The following CCSER1 variants were observed in gnomAD, a reference collection of about 807,000 sequenced individuals.
CCSER1 encodes the protein serine-rich coiled-coil domain-containing protein 1.
In CCSER1, 41 loss-of-function variants were observed where a neutral mutation model predicts 82.0. The observed-to-expected ratio is 0.50, with a 90% confidence interval of 0.39 to 0.65. CCSER1 has a LOEUF of 0.65. CCSER1 is among the 30% of genes least tolerant of loss of function. The pLI is 0.00. For synonymous variants in CCSER1, 414 were observed against 383.9 expected (o/e 1.08, Z -0.92); for missense variants, 1,119 against 1,064.2 (o/e 1.05, Z -0.72).
intron 7 of CCSER1, among the ~76,000 whole-genome samples, chr4:90,753,783 C>A (rs1412703100): frequency 6.6e-6 from 1 of 152,076 alleles, no homozygotes; most frequent in Admixed American, 6.6e-5. Flanking sequence ...CTTTCTAAGG[C>A]CTTACATGTT....
intron 10 of CCSER1, among the ~76,000 whole-genome samples, chr4:91,162,970 C>T (rs1263662731): frequency 1.3e-5 from 2 of 152,102 alleles, no homozygotes; most frequent in Non-Finnish European, 2.9e-5. Flanking sequence ...TTGCCTTCTG[C>T]TCGCTTTTGA....
At chr4:91,025,740 A>G (rs1471226852) in intron 9 of CCSER1, among the ~76,000 whole-genome samples, 1 of 152,168 alleles carries the variant, frequency 6.6e-6, no homozygotes, top group African/African-American at 2.4e-5. Flanking sequence ...ACACTGTTGC[A>G]GTGGAACCCA....
At chr4:90,718,912 A>G (rs1742164510) in intron 6 of CCSER1, among the ~76,000 whole-genome samples, 2 of 152,164 alleles carry the variant, frequency 1.3e-5, no homozygotes, top group South Asian at 4.1e-4. Flanking sequence ...CTCACAACTT[A>G]AAAAACCATC....
intron 10 of CCSER1, among the ~76,000 whole-genome samples, chr4:91,270,440 A>AT (rs201732606): frequency 6.3e-4 from 95 of 151,066 alleles, no homozygotes; most frequent in Middle Eastern, 3.4e-3. Context: ...CGTTCATCAC[A>AT]TTTTTTTTTG....
intron 5 of CCSER1, among the ~76,000 whole-genome samples, chr4:90,574,808 G>A (rs929097103): frequency 5.3e-5 from 8 of 151,576 alleles, no homozygotes; most frequent in African/African-American, 1.9e-4. Flanking sequence ...TCCAGCAAAC[G>A]ACAGCTACAT....
chr4:90,938,068 A>G (rs1731171636), intron 9 of CCSER1, among the ~76,000 whole-genome samples: 2 of 152,138 alleles, frequency 1.3e-5, no homozygotes. Flanking sequence ...TTTCATATAT[A>G]TTACCAGCAC....
At chr4:91,083,735 A>T (rs35197502) in intron 9 of CCSER1, among the ~76,000 whole-genome samples, 1 of 151,930 alleles carries the variant, frequency 6.6e-6, no homozygotes, top group Non-Finnish European at 1.5e-5. Context: ...ACTGAATGGG[A>T]TTAAAAGCAG....
chr4:91,080,739 C>T (rs192400778), intron 9 of CCSER1, among the ~76,000 whole-genome samples: 2 of 152,226 alleles, frequency 1.3e-5, no homozygotes, highest in East Asian at 1.9e-4. Context: ...GGGGATATCA[C>T]CACCGATCCC....
chr4:91,528,042 G>A (rs1030242535), intron 10 of CCSER1, among the ~76,000 whole-genome samples: 4 of 152,046 alleles, frequency 2.6e-5, no homozygotes, highest in African/African-American at 7.2e-5. Flanking sequence ...AGCCACCTGA[G>A]TAGCTGGAAT....
At chr4:91,257,277 C>A (rs1011929476) in intron 10 of CCSER1, among the ~76,000 whole-genome samples, 4 of 152,006 alleles carry the variant, frequency 2.6e-5, no homozygotes, top group African/African-American at 9.7e-5. Context: ...AAGTAGTCCA[C>A]TAACAAAGTA....
chr4:90,600,711 A>AT (rs951210224), intron 5 of CCSER1, among the ~76,000 whole-genome samples: 60 of 151,658 alleles, frequency 4.0e-4, no homozygotes, highest in Admixed American at 1.7e-3. Context: ...TGTCCTTTAA[A>AT]TTTTTTTTAA....
At chr4:90,453,432 C>T (rs934984234) in intron 4 of CCSER1, among the ~76,000 whole-genome samples, 1 of 152,146 alleles carries the variant, frequency 6.6e-6, no homozygotes, top group Admixed American at 6.5e-5. Flanking sequence ...CCTGAATCTT[C>T]AGGTTATCAA....
intron 10 of CCSER1, among the ~76,000 whole-genome samples, chr4:91,136,690 C>A (rs1728499225): frequency 6.6e-6 from 1 of 152,052 alleles, no homozygotes; most frequent in African/African-American, 2.4e-5. Context: ...TCAAACTTTA[C>A]CCAATATGAA....
chr4:90,468,250 A>T lies in CCSER1; in HGVS notation c.1620A>T (p.Ser540=), dbSNP rs1338817566. ...TTTGAACAGTTTGCCGGGAGGACTCATATCACTCTGTCGTCTCATGTGCCG... is the reference window on the plus strand; with the variant it reads ...TTTGAACAGTTTGCCGGGAGGACTCTTATCACTCTGTCGTCTCATGTGCCG... The part of the protein sequence containing the change: ...SLHPSVCRED[S]YHSVVSCAAV... Residue 540 remains serine (S), a synonymous_variant, in exon 5 of 11, where the codon TCA becomes TCT. Coordinates refer to ENST00000509176, the MANE Select transcript of CCSER1 (RefSeq NM_001145065.2). 6.2e-7 allele frequency: 1 copy of T among 1,602,802 alleles called. No individual in the cohort carries two copies. Among genetic ancestry groups the T allele is most frequent in the Middle Eastern group, 1.7e-4 (1 of 6,018 alleles).
intron 10 of CCSER1, among the ~76,000 whole-genome samples, chr4:91,154,869 A>G (rs925546817): frequency 1.3e-5 from 2 of 151,922 alleles, no homozygotes; most frequent in Non-Finnish European, 1.5e-5. Context: ...CATGTACTAT[A>G]TTAAGGCAAT....
At chr4:91,345,002 T>G (rs1013487896) in intron 10 of CCSER1, among the ~76,000 whole-genome samples, 1 of 152,186 alleles carries the variant, frequency 6.6e-6, no homozygotes, top group African/African-American at 2.4e-5. Context: ...CTCTGAGCAT[T>G]GAAAAGAAAT....
intron 10 of CCSER1, among the ~76,000 whole-genome samples, chr4:91,471,542 C>T (rs532432248): frequency 6.6e-6 from 1 of 152,250 alleles, no homozygotes; most frequent in South Asian, 2.1e-4. Flanking sequence ...ACGCACTCCC[C>T]TGAGACACGG....
At chr4:90,791,129 G>T (rs1338565855) in intron 7 of CCSER1, among the ~76,000 whole-genome samples, 1 of 151,986 alleles carries the variant, frequency 6.6e-6, no homozygotes, top group African/African-American at 2.4e-5. Flanking sequence ...AGCGAAGGAG[G>T]ATGCCCCTTA....
Position 91,356,820 on chromosome 4 carries a change from C to T in CCSER1, c.2218-241752C>T, listed in dbSNP as rs567726076. ...TGGGAGACGGAAGCTGGATGGCCCT[C>T]GGGGATGACCTGCAGGGACTTCAGG... On this transcript the variant is annotated intron_variant, in intron 10 of 10. Transcript: ENST00000509176. Among the ~76,000 whole-genome samples the T allele has an allele frequency of 2.7e-3, 407 of 152,216 alleles. 5 individuals are homozygous for T. In the South Asian group the frequency reaches 0.037, roughly 14 times the overall value.
Sources: allele counts gnomAD v4.1 joint callset (sites outside exome capture counted in the v4.1 genomes callset), GRCh38; gene constraint gnomAD v4.1.1; transcripts MANE v1.5; gene names NCBI Gene and HGNC (gene_info 2026-07-23, HGNC 2026-07-21).